ANK3: variants seen among roughly 807,000 people sequenced by gnomAD.
The protein encoded by ANK3 is ankyrin 3.
ANK3 carries 57 observed loss-of-function variants against 370.9 expected under a neutral mutation model. The observed-to-expected ratio is 0.15, with a 90% CI of 0.12 to 0.19. ANK3 has a LOEUF of 0.19. Ranked by LOEUF, ANK3 falls within the 10% of genes least tolerant of loss-of-function variation. The pLI, the probability that ANK3 is intolerant of heterozygous loss-of-function variation, is 1.00. For missense variants in ANK3, 4,439 were observed against 5,302.1 expected (o/e 0.84, Z 5.06); for synonymous variants, 1,929 against 1,946.3 (o/e 0.99, Z 0.23).
intron 33 of ANK3, 146 bp from the exon 34 acceptor site, chr10:60,082,883 C>G: frequency 1.1e-6 from 1 of 940,580 alleles, no homozygotes; most frequent in South Asian, 1.8e-5. Context: ...GATTATGCAG[C>G]AACCGGGGTG....
chr10:60,341,040 T>C (rs778523341), intron 1 of ANK3, among the ~76,000 whole-genome samples: 9 of 152,166 alleles, frequency 5.9e-5, no homozygotes, highest in Non-Finnish European at 1.0e-4. Flanking sequence ...TCATTCTGTG[T>C]TGGCTGTCTC....
intron 8 of ANK3, among the ~76,000 whole-genome samples, chr10:60,232,525 ACTG>A (rs2097261512): frequency 6.6e-6 from 1 of 152,144 alleles, no homozygotes; most frequent in Non-Finnish European, 1.5e-5. Flanking sequence ...ATTGCTTCTT[ACTG>A]GAATGATGCA....
At chr10:60,320,496 G>A (rs1275689210) in intron 1 of ANK3, among the ~76,000 whole-genome samples, 1 of 152,204 alleles carries the variant, frequency 6.6e-6, no homozygotes, top group Admixed American at 6.5e-5. Context: ...TCAGGAGGCT[G>A]AGGCGGGCAT....
intron 28 of ANK3, among the ~76,000 whole-genome samples, chr10:60,090,491 G>C (rs12146176): frequency 0.25 from 38,292 of 152,002 alleles, 6,035 homozygotes; most frequent in Non-Finnish European, 0.36. Flanking sequence ...GAGTAAACTT[G>C]AAAAGCAAAA....
In ANK3 at chr10:60,669,617, G is replaced by A. The variant is rs540947750; in HGVS notation, c.58-54393C>T. On this transcript the variant is annotated intron_variant, in intron 1 of 43. Transcript: ENST00000373827. ...CCATATCTTAGCCTCCTTCTCAGCA[G>A]CCTTGAACAGTTGACACACTACATC... Among the ~76,000 whole-genome samples the A allele has an allele frequency of 4.4e-4, 67 of 152,242 alleles. 1 individual carries two copies. In the South Asian group the frequency reaches 0.013, roughly 29 times the overall value.
chr10:60,471,687 T>C (rs1200370041), intron 2 of ANK3, among the ~76,000 whole-genome samples: 2 of 152,112 alleles, frequency 1.3e-5, no homozygotes, highest in Non-Finnish European at 2.9e-5. Flanking sequence ...AAGAATAACA[T>C]TTTAAAACCC....
intron 28 of ANK3, among the ~76,000 whole-genome samples, chr10:60,096,745 TGAG>T (rs72033775): frequency 0.11 from 16,393 of 152,174 alleles, 1,127 homozygotes; most frequent in African/African-American, 0.19. Flanking sequence ...TGGTTTAATA[TGAG>T]AAGAAAAGCT....
At chr10:60,467,377 G>A (rs1316834199) in intron 2 of ANK3, among the ~76,000 whole-genome samples, 1 of 152,034 alleles carries the variant, frequency 6.6e-6, no homozygotes, top group Non-Finnish European at 1.5e-5. Flanking sequence ...ATTTCATTTT[G>A]ATAATAAAAT....
intron 2 of ANK3, among the ~76,000 whole-genome samples, chr10:60,507,042 C>T (rs1595168192): frequency 6.6e-6 from 1 of 151,940 alleles, no homozygotes; most frequent in East Asian, 1.9e-4. Context: ...ATGGGTTGTT[C>T]AAAGAAATGG....
At chr10:60,413,826 C>T (rs1291817564) in intron 2 of ANK3, among the ~76,000 whole-genome samples, 1 of 151,996 alleles carries the variant, frequency 6.6e-6, no homozygotes, top group Non-Finnish European at 1.5e-5. Flanking sequence ...GAAACCCTAT[C>T]TCTACAAAAA....
chr10:60,430,554 T>C (rs1292644722), intron 2 of ANK3, among the ~76,000 whole-genome samples: 1 of 152,130 alleles, frequency 6.6e-6, no homozygotes, highest in African/African-American at 2.4e-5. Flanking sequence ...TGAAAGGGGG[T>C]GCTATCAATA....
chr10:60,541,648 A>G (rs1341372993), intron 2 of ANK3, among the ~76,000 whole-genome samples: 1 of 151,908 alleles, frequency 6.6e-6, no homozygotes, highest in Non-Finnish European at 1.5e-5. Context: ...TAGCTTAAGA[A>G]TAACACCCAG....
intron 1 of ANK3, among the ~76,000 whole-genome samples, chr10:60,617,520 T>C (rs1262473183): frequency 6.6e-6 from 1 of 152,180 alleles, no homozygotes; most frequent in African/African-American, 2.4e-5. Context: ...CTTGTCAATA[T>C]CTATCTTGCA....
At chr10:60,657,836 A>G (rs2078885098) in intron 1 of ANK3, among the ~76,000 whole-genome samples, 1 of 152,080 alleles carries the variant, frequency 6.6e-6, no homozygotes, top group African/African-American at 2.4e-5. Context: ...TAACTATTAT[A>G]TGATTATATC....
intron 8 of ANK3, among the ~76,000 whole-genome samples, chr10:60,232,101 T>G (rs564390170): frequency 6.6e-6 from 1 of 152,294 alleles, no homozygotes; most frequent in South Asian, 2.1e-4. Flanking sequence ...CCTCTAAAGA[T>G]GGGGCCTGAA....
chr10:60,650,118 T>C (rs1218978754), intron 1 of ANK3, among the ~76,000 whole-genome samples: 4 of 152,196 alleles, frequency 2.6e-5, no homozygotes, highest in Non-Finnish European at 4.4e-5. Flanking sequence ...GAGTTATCTG[T>C]TACACAGTGC....
chr10:60,029,875 CTTTTTTTTTTTTTTTTTTT>C (rs71015756), intron 43 of ANK3, 49 bp from the exon 44 acceptor site: 2 of 68,606 alleles, frequency 2.9e-5, no homozygotes, highest in African/African-American at 1.3e-4. Flanking sequence ...TTTTCTTTTT[CTTTTTTTTTTTTTTTTTTT>C]TTTTTTTTTT....
At chr10:60,577,163 A>G (rs1423895495) in intron 2 of ANK3, among the ~76,000 whole-genome samples, 4 of 152,174 alleles carry the variant, frequency 2.6e-5, no homozygotes, top group Admixed American at 2.6e-4. Flanking sequence ...GAGAGGGAAT[A>G]GGTGGCCATT....
chr10:60,240,343 T>C (rs1458391420), intron 7 of ANK3, among the ~76,000 whole-genome samples: 1 of 148,440 alleles, frequency 6.7e-6, no homozygotes, highest in African/African-American at 2.5e-5. Context: ...TCGCTCTTGC[T>C]GCCCAGGCTG....
Sources: allele counts gnomAD v4.1 joint callset (sites outside exome capture counted in the v4.1 genomes callset), GRCh38; gene constraint gnomAD v4.1.1; transcripts MANE v1.5; gene names NCBI Gene and HGNC (gene_info 2026-07-23, HGNC 2026-07-21).